STX16: variants seen among roughly 807,000 people sequenced by gnomAD.
STX16 encodes the protein syntaxin 16.
STX16 carries 28 observed loss-of-function variants against 42.7 expected under a neutral mutation model. The observed-to-expected ratio is 0.66, with a 90% CI of 0.49 to 0.90. The LOEUF (loss-of-function observed/expected upper bound fraction) is 0.90, where lower values mean the gene tolerates loss of function less well. STX16 is among the 40% of genes least tolerant of loss of function. The pLI is 0.00. For missense variants in STX16, 361 were observed against 420.9 expected (o/e 0.86, Z 1.24); for synonymous variants, 156 against 155.2 (o/e 1.00, Z -0.04).
At chr20:58,656,587 G>T (rs888960111) in intron 1 of STX16, among the ~76,000 whole-genome samples, 2 of 152,180 alleles carry the variant, frequency 1.3e-5, no homozygotes, top group African/African-American at 4.8e-5. Context: ...TAATATAGGG[G>T]TTGGAGCTAC....
At chr20:58,669,490 T>G (rs1337939644) in intron 5 of STX16, 37 bp downstream of exon 5, 8 of 1,573,706 alleles carry the variant, frequency 5.1e-6, no homozygotes, top group African/African-American at 1.4e-5. Flanking sequence ...GGATTTTGAG[T>G]AAGAAAAGCA....
At chr20:58,667,438 T>C in intron 2 of STX16, 52 bp from the exon 3 acceptor site, 1 of 1,393,204 alleles carries the variant, frequency 7.2e-7, no homozygotes. Context: ...AGAGTATTTG[T>C]ATCTAAATTG....
intron 6 of STX16, among the ~76,000 whole-genome samples, chr20:58,670,909 G>T (rs1176378950): frequency 6.6e-6 from 1 of 152,220 alleles, no homozygotes; most frequent in Non-Finnish European, 1.5e-5. Context: ...CCCTTGTGGA[G>T]TTGGCAGACG....
chr20:58,653,245 G>A (rs1019554946), intron 1 of STX16, among the ~76,000 whole-genome samples: 6 of 152,212 alleles, frequency 3.9e-5, no homozygotes, highest in African/African-American at 1.2e-4. Context: ...CTTAGGGACT[G>A]TATTGCCAGT....
chr20:58,670,919 G>T (rs969339837), intron 6 of STX16, among the ~76,000 whole-genome samples: 1 of 152,200 alleles, frequency 6.6e-6, no homozygotes, highest in Non-Finnish European at 1.5e-5. Flanking sequence ...GTTGGCAGAC[G>T]TGGGCTTCTG....
chr20:58,668,868 CT>C (rs1472856403), intron 4 of STX16, among the ~76,000 whole-genome samples: 11 of 152,256 alleles, frequency 7.2e-5, no homozygotes, highest in African/African-American at 2.4e-4. Flanking sequence ...AAATTTGAAA[CT>C]TTCTTTTGAG....
chr20:58,652,364 C>T (rs1444640575), intron 1 of STX16: 5 of 641,220 alleles, frequency 7.8e-6, no homozygotes, highest in African/African-American at 5.5e-5. Flanking sequence ...CTCCTCACTT[C>T]CGCAGCACCC....
chr20:58,670,548 T>C lies in STX16; in HGVS notation c.593T>C (p.Phe198Ser), dbSNP rs756954719. 2.5e-6 allele frequency: 4 copies of C among 1,614,176 alleles called. No individual in the cohort carries two copies. The highest frequency in any genetic ancestry group is 1.1e-5 in the South Asian group (1 of 91,080). Residue 198 changes from phenylalanine (F) to serine (S), a missense_variant, in exon 6 of 9, where the codon TTC becomes TCC. Phe to Ser is a radical substitution (Grantham distance 155). Transcript: ENST00000371141. ...CGAGAGGAAAGATCCCAGCATTTTT[T>C]CGACACATCAGTACCACTAATGGAT... Reference protein sequence around the residue: ...KNREERSQHFFDTSVPLMDDG... With the variant: ...KNREERSQHFSDTSVPLMDDG...
intron 2 of STX16, 80 bp from the exon 3 acceptor site, chr20:58,667,410 A>C: frequency 1.8e-6 from 2 of 1,141,594 alleles, no homozygotes; most frequent in Non-Finnish European, 2.6e-6. Flanking sequence ...TTCAGGGAGT[A>C]ACATTTAAGA....
In STX16 at chr20:58,667,487, T is replaced by A; in HGVS notation, c.145-3T>A. On this transcript the variant is annotated splice_region_variant and splice_polypyrimidine_tract_variant and intron_variant, in intron 2 of 8. Coordinates refer to ENST00000371141, the MANE Select transcript of STX16 (RefSeq NM_001001433.3). Reference sequence around the variant, plus strand: ...TTTTTCATGTCCCTTTACTTTCCTGTAGCTTGCTGATGACCGTATGGCACT... The same window carrying A: ...TTTTTCATGTCCCTTTACTTTCCTGAAGCTTGCTGATGACCGTATGGCACT... 1 of 1,613,850 alleles carries A rather than the reference T, an allele frequency of 6.2e-7. No individual in the cohort carries two copies. The highest frequency in any genetic ancestry group is 8.5e-7 in the Non-Finnish European group (1 of 1,179,810).
Position 58,679,383 on chromosome 20 carries a change from A to T in STX16, c.*3092A>T, listed in dbSNP as rs2084217748. ...TAAAACTTTTTTTCTTGTATGCTTAAATAAAGCAATTAGTGAAGCACTTCT... is the reference window on the plus strand; with the variant it reads ...TAAAACTTTTTTTCTTGTATGCTTATATAAAGCAATTAGTGAAGCACTTCT... On this transcript the variant is annotated 3_prime_UTR_variant, in exon 9 of 9. Transcript: ENST00000371141. 1 of 152,674 alleles carries T rather than the reference A, an allele frequency of 6.5e-6. No homozygotes were observed. Among genetic ancestry groups the T allele is most frequent in the Non-Finnish European group, 1.5e-5 (1 of 68,050 alleles). 9.5% of individuals were successfully genotyped at this position (152,674 alleles called of 1,614,324 possible).
chr20:58,669,582 G>T, intron 5 of STX16, 129 bp downstream of exon 5: 10 of 1,141,774 alleles, frequency 8.8e-6, no homozygotes, highest in Non-Finnish European at 9.6e-6. Context: ...CTCATACCTT[G>T]TACAGTAAAG....
chr20:58,668,051 A>G lies in STX16; in HGVS notation c.317A>G (p.His106Arg). 1 of 1,614,278 alleles carries G rather than the reference A, an allele frequency of 6.2e-7. No individual in the cohort carries two copies. The highest frequency in any genetic ancestry group is 1.3e-5 in the African/African-American group (1 of 75,070). ...MKELASLHDK[H>R]LNRPTLDDSS... The stretch of plus-strand genomic sequence containing the variant: ...GAATTGGCCAGCCTTCATGACAAGC[A>G]TTTAAACAGACCCACCCTGGATGAC... The change falls in exon 4 of 9, where the codon CAT (histidine) becomes CGT (arginine). Residue 106 changes from histidine (H) to arginine (R), a missense_variant. His to Arg is a conservative substitution (Grantham distance 29, BLOSUM62 0). Coordinates refer to ENST00000371141, the MANE Select transcript of STX16 (RefSeq NM_001001433.3).
At position 58,659,448 on chromosome 20, in the gene STX16, A is replaced by T. The variant is rs561973383; in HGVS notation, c.133-175A>T. Among the ~76,000 whole-genome samples, 6 of 141,242 alleles carry T rather than the reference A, an allele frequency of 4.2e-5. No individual in the cohort carries two copies. The South Asian group carries it at 8.9e-4, about 21-fold the overall frequency. The allele number at this position is 141,242 out of a possible 152,430, so 92.7% of individuals were successfully genotyped here. ...AGCATATATTGATGTAGCTTAATTTAAAAAAAAAAAAGGAGATTTTAAAAT... is the reference window on the plus strand; with the variant it reads ...AGCATATATTGATGTAGCTTAATTTTAAAAAAAAAAAGGAGATTTTAAAAT... On this transcript the variant is annotated intron_variant, in intron 1 of 8. Transcript: ENST00000371141.
chr20:58,652,316 G>T lies in STX16; in HGVS notation c.132+178G>T, dbSNP rs1204015985. The T allele has an allele frequency of 2.9e-5, 26 of 890,870 alleles. No homozygotes were observed. The East Asian group carries it at 7.4e-4, about 25-fold the overall frequency. The allele number at this position is 890,870 out of a possible 1,614,324, so 55.2% of individuals were successfully genotyped here. ...CTGTAGCCCTGGATGAGGAAGAAGC[G>T]GTGCTGTGAGGCCGCAGCTCCACCT... On this transcript the variant is annotated intron_variant, in intron 1 of 8. Transcript: ENST00000371141.
chr20:58,670,192 G>A (rs972058832), intron 5 of STX16, among the ~76,000 whole-genome samples: 3 of 152,204 alleles, frequency 2.0e-5, no homozygotes, highest in African/African-American at 7.2e-5. Flanking sequence ...AAAATGTTTT[G>A]TAACAGCAGT....
intron 4 of STX16, among the ~76,000 whole-genome samples, chr20:58,668,554 G>A (rs2083895231): frequency 6.6e-6 from 1 of 151,882 alleles, no homozygotes; most frequent in Admixed American, 6.6e-5. Flanking sequence ...GACTAGTGTT[G>A]AAACCTCAGT....
chr20:58,651,473 C>G lies in STX16; in HGVS notation c.-534C>G, dbSNP rs190719996. ...CCCAGAAGGGAGCTGCAGGCGCCCTCGAGTCCAGGCCCCAAGCCTGGCTCC... is the reference window on the plus strand; with the variant it reads ...CCCAGAAGGGAGCTGCAGGCGCCCTGGAGTCCAGGCCCCAAGCCTGGCTCC... On this transcript the variant is annotated 5_prime_UTR_variant, in exon 1 of 9. Transcript: ENST00000371141. 194 of 154,334 alleles carry G rather than the reference C, an allele frequency of 1.3e-3. 1 individual carries two copies. The highest frequency in any genetic ancestry group is 2.3e-3 in the Admixed American group (35 of 15,468). 9.6% of individuals were successfully genotyped at this position (154,334 alleles called of 1,614,324 possible).
intron 1 of STX16, 54 bp downstream of exon 1, chr20:58,652,192 C>T: frequency 6.2e-7 from 1 of 1,607,616 alleles, no homozygotes; most frequent in South Asian, 1.1e-5. Context: ...TGCGGCTCTG[C>T]CTGTTTGTCT....
Sources: gnomAD v4.1 joint callset for allele counts (sites outside exome capture counted in the v4.1 genomes callset) on GRCh38, gnomAD v4.1.1 for gene constraint, MANE v1.5 for transcripts, NCBI Gene and HGNC (gene_info 2026-07-23, HGNC 2026-07-21) for gene names.